IL17RD: variants seen among roughly 807,000 people sequenced by gnomAD.
IL17RD encodes interleukin 17 receptor D, also known as interleukin-17 receptor D.
A neutral mutation model predicts 80.5 loss-of-function variants in IL17RD; 52 were observed. The observed-to-expected ratio is 0.65, with a 90% confidence interval of 0.52 to 0.81. The LOEUF (loss-of-function observed/expected upper bound fraction) is 0.81. Among genes scored for constraint, IL17RD ranks in the 40% least tolerant of loss-of-function variants. The probability of loss-of-function intolerance (pLI) is 0.00; values close to 1 mark genes in which losing one functional copy is unlikely to be tolerated. For synonymous variants in IL17RD, 416 were observed against 391.8 expected (o/e 1.06, Z -0.73); for missense variants, 1,024 against 955.1 (o/e 1.07, Z -0.95).
In IL17RD at chr3:57,097,818, G is replaced by T; in HGVS notation, c.1885C>A (p.Gln629Lys). The part of the protein sequence containing the change: ...QHESQHGGLD[Q>K]DGEARPALDG... Reference sequence around the variant, plus strand: ...AGGGCAGGCCGGGCCTCCCCGTCTTGGTCCAGGCCCCCATGCTGACTCTCG... The same window carrying T: ...AGGGCAGGCCGGGCCTCCCCGTCTTTGTCCAGGCCCCCATGCTGACTCTCG... The change falls in exon 12 of 13, where the codon CAA becomes AAA. Residue 629 changes from glutamine to lysine, a missense_variant. By Grantham distance (53) the Gln-to-Lys change is moderately conservative. Coordinates refer to ENST00000296318, the MANE Select transcript of IL17RD (RefSeq NM_017563.5). The T allele has an allele frequency of 6.2e-7, 1 of 1,609,214 alleles. No individual in the cohort carries two copies. Among genetic ancestry groups the T allele is most frequent in the Non-Finnish European group, 8.5e-7 (1 of 1,177,764 alleles).
chr3:57,109,222 C>A (rs187658495), intron 5 of IL17RD, among the ~76,000 whole-genome samples: 2 of 152,092 alleles, frequency 1.3e-5, no homozygotes, highest in Non-Finnish European at 2.9e-5. Context: ...AATCTTGGCT[C>A]ACTGAAACCT....
At chr3:57,166,078 TA>T (rs139342761), upstream of IL17RD, among the ~76,000 whole-genome samples, 3,073 of 152,270 alleles carry the variant, frequency 0.02, 101 homozygotes, top group African/African-American at 0.071. Flanking sequence ...TTGTCAAACA[TA>T]ACCTCATGAA....
intron 1 of IL17RD, among the ~76,000 whole-genome samples, chr3:57,139,047 A>G (rs991222930): frequency 2.0e-5 from 3 of 152,014 alleles, no homozygotes; most frequent in Admixed American, 6.6e-5. Flanking sequence ...TCTTTTTACA[A>G]TATCATATAT....
intron 1 of IL17RD, among the ~76,000 whole-genome samples, chr3:57,140,321 A>AT (rs571983696): frequency 2.0e-5 from 3 of 152,058 alleles, no homozygotes; most frequent in Non-Finnish European, 2.9e-5. Context: ...AAATCAGGTC[A>AT]TTTTTTTTAA....
upstream of IL17RD, chr3:57,169,205 C>G (rs190342701): frequency 4.2e-4 from 216 of 516,266 alleles, no homozygotes; most frequent in African/African-American, 4.0e-3. Flanking sequence ...TAGGGAAACC[C>G]TCCCTCAATA....
intron 1 of IL17RD, among the ~76,000 whole-genome samples, chr3:57,159,495 G>T (rs370957639): frequency 6.6e-6 from 1 of 152,176 alleles, no homozygotes; most frequent in East Asian, 1.9e-4. Flanking sequence ...AATGTGTTTC[G>T]GAGGCCATCA....
At position 57,114,697 on chromosome 3, in the gene IL17RD, G is replaced by A; in HGVS notation, c.305C>T (p.Ala102Val). The A allele has an allele frequency of 1.9e-6, 3 of 1,608,086 alleles. No homozygotes were observed. Among genetic ancestry groups the A allele is most frequent in the Non-Finnish European group, 8.5e-7 (1 of 1,177,904 alleles). Residue 102 changes from alanine (A) to valine (V), a missense_variant, in exon 3 of 13, where the codon GCC becomes GTC. Physicochemically the swap from Ala to Val is moderately conservative, Grantham distance 64. Coordinates refer to ENST00000296318, the MANE Select transcript of IL17RD (RefSeq NM_017563.5). The stretch of plus-strand genomic sequence containing the variant: ...CTCGATTTTTGACCACTCACCGAGG[G>A]CCCCTGGGGACCAAAGAATGGTGAC... ...VAVTILWSPG[A>V]LGIEFLKGFR...
chr3:57,127,383 A>AAT (rs1559477359), intron 1 of IL17RD, among the ~76,000 whole-genome samples: 2 of 92,014 alleles, frequency 2.2e-5, no homozygotes, highest in African/African-American at 9.0e-5. Flanking sequence ...TATATAAATA[A>AAT]ATAAATAAAT....
intron 1 of IL17RD, among the ~76,000 whole-genome samples, chr3:57,127,283 T>TAAATATATATAAATATATATAA (rs1559476907): frequency 7.7e-5 from 5 of 64,706 alleles, no homozygotes; most frequent in African/African-American, 3.6e-4. Context: ...AAAATATATA[T>TAAATATATATAAATATATATAA]AAATATATAT....
rs148371618 is a variant in IL17RD at position 57,117,931 on chromosome 3, A to C, written c.184+2325T>G. ...AATGTTGAAGAATTAAAAAGAAAGT[A>C]ATGACTAAGAGACAGGCATAGGTAT... On this transcript the variant is annotated intron_variant, in intron 2 of 12. Coordinates refer to ENST00000296318, the MANE Select transcript of IL17RD (RefSeq NM_017563.5). 2.6e-3 allele frequency among the ~76,000 whole-genome samples: 401 copies of C among 152,336 alleles called. 1 individual carries two copies. Among genetic ancestry groups the C allele is most frequent in the African/African-American group, 9.0e-3 (376 of 41,556 alleles).
Position 57,142,024 on chromosome 3 carries a change from G to GA in IL17RD, c.127-21712dup, listed in dbSNP as rs930296663. ...TGCCTAAACGCTCTTATAGCCACAG[G>GA]AAAAAAAAAATTCAAAAAGGGACAC... is the stretch of plus-strand genomic sequence containing the variant. On this transcript the variant is annotated intron_variant, in intron 1 of 12. Transcript: ENST00000296318. Among the ~76,000 whole-genome samples, 237 of 149,662 alleles carry GA rather than the reference G, an allele frequency of 1.6e-3. 4 individuals carry two copies. The highest frequency in any genetic ancestry group is 4.2e-4 in the South Asian group (2 of 4,734).
chr3:57,168,195 A>G (rs2060355863), upstream of IL17RD, among the ~76,000 whole-genome samples: 1 of 152,184 alleles, frequency 6.6e-6, no homozygotes, highest in Non-Finnish European at 1.5e-5. Flanking sequence ...TTACAAGAGA[A>G]AGAGAACCTC....
intron 1 of IL17RD, among the ~76,000 whole-genome samples, chr3:57,160,811 G>C (rs373913592): frequency 1.2e-4 from 19 of 152,302 alleles, no homozygotes; most frequent in East Asian, 7.7e-4. Context: ...AAAAGAATTT[G>C]TTAAAATGCC....
chr3:57,106,070 G>C (rs373242355), intron 6 of IL17RD, 40 bp downstream of exon 6: 2 of 1,609,348 alleles, frequency 1.2e-6, no homozygotes, highest in South Asian at 2.2e-5. Flanking sequence ...TCATAGTGGC[G>C]ATACTTTGAG....
chr3:57,106,276 A>T, intron 5 of IL17RD, 122 bp from the exon 6 acceptor site: 4 of 683,046 alleles, frequency 5.9e-6, no homozygotes, highest in Non-Finnish European at 1.0e-5. Context: ...TATAAAATAC[A>T]TCAATTCAAT....
chr3:57,141,628 C>T (rs1193356400), intron 1 of IL17RD, among the ~76,000 whole-genome samples: 2 of 151,930 alleles, frequency 1.3e-5, no homozygotes, highest in African/African-American at 4.8e-5. Context: ...TCTGTATACA[C>T]AAACTGCTAA....
At position 57,165,207 on chromosome 3, in the gene IL17RD, G is replaced by C; in HGVS notation, c.80C>G (p.Ala27Gly). The C allele has an allele frequency of 6.5e-7, 1 of 1,530,836 alleles. No homozygotes were observed. The highest frequency in any genetic ancestry group is 8.8e-7 in the Non-Finnish European group (1 of 1,139,504). The allele number at this position is 1,530,836 out of a possible 1,614,324, so 94.8% of individuals were successfully genotyped here. A position where few individuals can be genotyped will look rare whatever the true frequency, so the allele number is the denominator to read the frequency against. ...CLNGSQLAVA[A>G]GGSGRARGAD... The stretch of plus-strand genomic sequence containing the variant: ...GCCCCGCGCGCGGCCGGACCCGCCA[G>C]CGGCCACAGCCAGCTGCGAGCCGTT... The change falls in exon 1 of 13, where the codon GCT (alanine) becomes GGT (glycine). Residue 27 changes from alanine to glycine, a missense_variant. Coordinates refer to ENST00000296318, the MANE Select transcript of IL17RD (RefSeq NM_017563.5).
intron 1 of IL17RD, among the ~76,000 whole-genome samples, chr3:57,160,577 G>A (rs926991079): frequency 6.6e-6 from 1 of 151,910 alleles, no homozygotes; most frequent in Non-Finnish European, 1.5e-5. Context: ...CCCCCGCCCC[G>A]CTTCCCTGCT....
intron 1 of IL17RD, among the ~76,000 whole-genome samples, chr3:57,164,432 GGGCACCTCTCCAGTCTCGTCTCA>G (rs2060330970): frequency 1.3e-5 from 2 of 152,208 alleles, no homozygotes; most frequent in African/African-American, 2.4e-5. Flanking sequence ...GCGAAAGTCT[GGGCACCTCTCCAGTCTCGTCTCA>G]GGCACCTCAC....
Sources: allele counts gnomAD v4.1 joint callset (sites outside exome capture counted in the v4.1 genomes callset), GRCh38; gene constraint gnomAD v4.1.1; transcripts MANE v1.5; gene names NCBI Gene and HGNC (gene_info 2026-07-23, HGNC 2026-07-21).